The following ZNF713 variants were observed in gnomAD, a reference collection of about 807,000 sequenced individuals.
The protein encoded by ZNF713 is zinc finger protein 713.
Under a neutral mutation model 28.7 loss-of-function variants are expected in ZNF713, and 21 were observed. That is an observed-to-expected ratio of 0.73 (90% confidence interval 0.52 to 1.05). The LOEUF (loss-of-function observed/expected upper bound fraction) is 1.05. ZNF713 is among the 50% of genes least tolerant of loss of function. ZNF713 has a pLI of 0.00. For missense variants in ZNF713, 458 were observed against 532.4 expected (o/e 0.86, Z 1.37); for synonymous variants, 167 against 178.0 (o/e 0.94, Z 0.49).
At chr7:55,888,328 A>G (rs969460108) in intron 1 of ZNF713, among the ~76,000 whole-genome samples, 1 of 152,226 alleles carries the variant, frequency 6.6e-6, no homozygotes, top group Admixed American at 6.5e-5. Context: ...ACGGAATTGC[A>G]GTGACACTTT....
rs369789359 is a variant in ZNF713, at chr7:55,887,600, CGCGGCGGCGGCGGCG to C, written c.-638_-624del. On this transcript the variant is annotated 5_prime_UTR_variant, in exon 1 of 7. Transcript: ENST00000429591. ...GGCACCTTCTCCCTCCCGGGTCCAC[CGCGGCGGCGGCGGCG>C]GCGGCGGCGGCGGCGGCGGCGGCGT... 9.7e-4 allele frequency: 174 copies of C among 178,528 alleles called. 2 individuals carry two copies. Among genetic ancestry groups the C allele is most frequent in the Middle Eastern group, 4.7e-3 (2 of 428 alleles). The allele number at this position is 178,528 out of a possible 1,614,324, so 11.1% of individuals were successfully genotyped here. A position where few individuals can be genotyped will look rare whatever the true frequency, so the allele number is the denominator to read the frequency against.
chr7:55,923,495 T>C, intron 5 of ZNF713, 112 bp from the exon 6 acceptor site: 2 of 1,107,030 alleles, frequency 1.8e-6, no homozygotes, highest in South Asian at 1.5e-5. Flanking sequence ...TTTATTTTGC[T>C]GCCTCTGAAG....
chr7:55,920,629 G>C (rs115196412), intron 4 of ZNF713, among the ~76,000 whole-genome samples: 1,611 of 152,338 alleles, frequency 0.011, 23 homozygotes, highest in African/African-American at 0.036. Flanking sequence ...AGCAGCAAAT[G>C]CTGATATAGT....
chr7:55,922,486 C>T (rs1282900789), intron 4 of ZNF713, among the ~76,000 whole-genome samples: 7 of 150,344 alleles, frequency 4.7e-5, no homozygotes, highest in East Asian at 2.0e-4. Context: ...TGCAGTGAGC[C>T]GAGATTGCGG....
chr7:55,909,599 A>C (rs999658969), intron 2 of ZNF713, among the ~76,000 whole-genome samples: 2 of 152,188 alleles, frequency 1.3e-5, no homozygotes, highest in African/African-American at 4.8e-5. Flanking sequence ...TTTGATAGGA[A>C]TTGTGCTGAA....
At chr7:55,937,322 TAAAA>T (rs1786373098) in intron 6 of ZNF713, among the ~76,000 whole-genome samples, 1 of 151,198 alleles carries the variant, frequency 6.6e-6, no homozygotes, top group African/African-American at 2.4e-5. Flanking sequence ...AAATTAAAAT[TAAAA>T]TTAAAAAAAA....
chr7:55,932,542 A>T (rs1434439809), intron 6 of ZNF713, among the ~76,000 whole-genome samples: 1 of 150,992 alleles, frequency 6.6e-6, no homozygotes, highest in East Asian at 2.0e-4. Flanking sequence ...AAAAAAAAAA[A>T]ATCTAATATA....
chr7:55,940,609 T>C lies in ZNF713; in HGVS notation c.*603T>C. ...AGAAGTCCTTATCCAGGCATGGTGG[T>C]GCACACCTGCAATCCCAGCTACTCT... On this transcript the variant is annotated 3_prime_UTR_variant, in exon 7 of 7. Transcript: ENST00000429591. The C allele has an allele frequency of 3.2e-6, 3 of 950,028 alleles. 1 individual carries two copies. 58.8% of individuals were successfully genotyped at this position (950,028 alleles called of 1,614,324 possible).
chr7:55,897,333 G>A (rs1006987408), intron 1 of ZNF713, among the ~76,000 whole-genome samples: 2 of 151,538 alleles, frequency 1.3e-5, no homozygotes. Flanking sequence ...TCGCTGGAGT[G>A]CAGTGGCATG....
intron 2 of ZNF713, among the ~76,000 whole-genome samples, chr7:55,908,490 G>A (rs1210765712): frequency 1.3e-5 from 2 of 152,108 alleles, no homozygotes; most frequent in African/African-American, 4.8e-5. Context: ...TGACTGGTGT[G>A]AGATGGTATC....
At chr7:55,934,201 G>A (rs1786298594) in intron 6 of ZNF713, among the ~76,000 whole-genome samples, 1 of 151,924 alleles carries the variant, frequency 6.6e-6, no homozygotes, top group South Asian at 2.1e-4. Flanking sequence ...TTGAATCTTG[G>A]ACCCCTTTGA....
chr7:55,895,962 T>G (rs1785466301), intron 1 of ZNF713, among the ~76,000 whole-genome samples: 1 of 152,150 alleles, frequency 6.6e-6, no homozygotes, highest in African/African-American at 2.4e-5. Flanking sequence ...ATGGTTTGGC[T>G]GTGGAGTCAC....
chr7:55,928,307 G>C (rs1404370467), intron 6 of ZNF713, among the ~76,000 whole-genome samples: 1 of 152,220 alleles, frequency 6.6e-6, no homozygotes, highest in Non-Finnish European at 1.5e-5. Flanking sequence ...GACAGGGGTT[G>C]AGGGTGTTAG....
Position 55,939,305 on chromosome 7 carries a change from A to G in ZNF713, c.631A>G (p.Thr211Ala). Residue 211 changes from threonine to alanine, a missense_variant, in exon 7 of 7, where the codon ACA becomes GCA. Coordinates refer to ENST00000429591, the MANE Select transcript of ZNF713 (RefSeq NM_182633.3). ...PSIKIPLNSD[T>A]QGNSIKHNSD... Reference sequence around the variant, plus strand: ...CATTAAAATACCCCTGAATTCTGACACACAGGGAAACAGCATCAAACATAA... The same window carrying G: ...CATTAAAATACCCCTGAATTCTGACGCACAGGGAAACAGCATCAAACATAA... 1 of 1,614,178 alleles carries G rather than the reference A, an allele frequency of 6.2e-7. No individual in the cohort carries two copies. The highest frequency in any genetic ancestry group is 8.5e-7 in the Non-Finnish European group (1 of 1,180,018).
chr7:55,935,249 A>G (rs185519803), intron 6 of ZNF713, among the ~76,000 whole-genome samples: 1 of 152,268 alleles, frequency 6.6e-6, no homozygotes, highest in East Asian at 1.9e-4. Context: ...ATGTTTGTAT[A>G]AGGATGTTCA....
intron 1 of ZNF713, among the ~76,000 whole-genome samples, chr7:55,887,991 C>G (rs916549731): frequency 3.3e-5 from 5 of 151,488 alleles, no homozygotes; most frequent in Non-Finnish European, 5.9e-5. Context: ...GATTTTTGGT[C>G]TTTTATAGGA....
chr7:55,903,405 C>G (rs1287081390), intron 1 of ZNF713, among the ~76,000 whole-genome samples: 2 of 151,762 alleles, frequency 1.3e-5, no homozygotes, highest in Non-Finnish European at 2.9e-5. Flanking sequence ...TGTGGTGGCT[C>G]ACACCTGTAA....
At chr7:55,921,923 T>C (rs1259527218) in intron 4 of ZNF713, among the ~76,000 whole-genome samples, 8 of 152,060 alleles carry the variant, frequency 5.3e-5, no homozygotes, top group Admixed American at 5.2e-4. Flanking sequence ...TGCTGTCTTT[T>C]GTTTGTTTGT....
intron 6 of ZNF713, among the ~76,000 whole-genome samples, chr7:55,929,400 A>C (rs1237335872): frequency 6.6e-6 from 1 of 152,212 alleles, no homozygotes; most frequent in Non-Finnish European, 1.5e-5. Flanking sequence ...AAATAATGGC[A>C]TCATTTCAAA....
Sources: gnomAD v4.1 joint callset for allele counts (sites outside exome capture counted in the v4.1 genomes callset) on GRCh38, gnomAD v4.1.1 for gene constraint, MANE v1.5 for transcripts, NCBI Gene and HGNC (gene_info 2026-07-23, HGNC 2026-07-21) for gene names.